Variants in ZNF678 observed in about 807,000 individuals in gnomAD.
ZNF678 encodes zinc finger protein 678, also known as hypothetical protein MGC42493.
In ZNF678, 5 loss-of-function variants were observed where a neutral mutation model predicts 3.0. The ratio of observed to expected loss-of-function variants is 1.69; its 90% CI spans 0.88 to 3.56. ZNF678 has a LOEUF of 3.56. ZNF678 is among the 30% of genes most tolerant of loss of function. The pLI is 0.00. For synonymous variants in ZNF678, 218 were observed against 199.6 expected, an observed-to-expected ratio of 1.09 and a Z score of -0.78; for missense variants, 593 against 605.0, an observed-to-expected ratio of 0.98 and a Z score of 0.21.
intron 5 of ZNF678, among the ~76,000 whole-genome samples, chr1:227,670,144 A>G (rs1040918848): frequency 2.6e-5 from 4 of 152,244 alleles, no homozygotes; most frequent in South Asian, 4.1e-4. Flanking sequence ...AAGATAAACA[A>G]ATAGGCACTG....
chr1:227,667,487 A>G (rs1659524498), intron 5 of ZNF678, among the ~76,000 whole-genome samples: 2 of 152,234 alleles, frequency 1.3e-5, no homozygotes, highest in Admixed American at 1.3e-4. Flanking sequence ...ATGAGCCACT[A>G]CAATTAAAAG....
chr1:227,597,678 T>C (rs1487414203), intron 1 of ZNF678, among the ~76,000 whole-genome samples: 2 of 152,166 alleles, frequency 1.3e-5, no homozygotes, highest in African/African-American at 2.4e-5. Flanking sequence ...TCTGGTTCAC[T>C]CAAAGCAGCA....
rs878977965 is a variant in ZNF678, at chr1:227,655,165, T to G, written c.915T>G (p.Phe305Leu). ...CEECGKAFTQFASLTRHKRIH... is the reference protein window; with the variant it reads ...CEECGKAFTQLASLTRHKRIH... ...AATGTGGCAAAGCCTTTACACAGTT[T>G]GCAAGCCTTACTCGTCATAAAAGAA... Residue 305 changes from phenylalanine (F) to leucine (L), a missense_variant, in exon 4 of 4, where the codon TTT becomes TTG. By Grantham distance (22) the Phe-to-Leu change is conservative. Coordinates refer to ENST00000343776, the MANE Select transcript of ZNF678 (RefSeq NM_001367909.1). 3.7e-6 allele frequency: 6 copies of G among 1,600,520 alleles called. No individual in the cohort carries two copies. The highest frequency in any genetic ancestry group is 5.1e-6 in the Non-Finnish European group (6 of 1,174,740).
At chr1:227,599,020 T>C in intron 1 of ZNF678, 3 of 1,498,662 alleles carry the variant, frequency 2.0e-6, no homozygotes, top group African/African-American at 1.4e-5. Context: ...CTAGTTGCTC[T>C]TTTACTTCTT....
chr1:227,599,981 C>G (rs1006666540), intron 1 of ZNF678, among the ~76,000 whole-genome samples: 1 of 152,180 alleles, frequency 6.6e-6, no homozygotes, highest in Non-Finnish European at 1.5e-5. Context: ...TGTCTACCCT[C>G]CAGTAGGCAC....
intron 1 of ZNF678, among the ~76,000 whole-genome samples, chr1:227,600,310 C>A (rs1657703372): frequency 6.6e-6 from 1 of 152,168 alleles, no homozygotes; most frequent in Admixed American, 6.5e-5. Flanking sequence ...ATTTATATTT[C>A]TTTGGGTATT....
intron 1 of ZNF678, among the ~76,000 whole-genome samples, chr1:227,584,988 C>CGA (rs898186341): frequency 6.4e-4 from 97 of 152,312 alleles, no homozygotes; most frequent in African/African-American, 2.2e-3. Context: ...GTACAGAAGT[C>CGA]TGACAACAGC....
intron 1 of ZNF678, among the ~76,000 whole-genome samples, chr1:227,565,608 T>G (rs1656658950): frequency 6.6e-6 from 1 of 152,110 alleles, no homozygotes; most frequent in African/African-American, 2.4e-5. Flanking sequence ...GTTATCTGTT[T>G]GTGAAGGCAG....
chr1:227,590,414 A>G (rs1245958311), intron 1 of ZNF678, among the ~76,000 whole-genome samples: 1 of 151,814 alleles, frequency 6.6e-6, no homozygotes, highest in East Asian at 1.9e-4. Context: ...AGAACAGTCA[A>G]GGTTTTACCA....
At position 227,633,267 on chromosome 1, in the gene ZNF678, C is replaced by G. The variant is rs189323319; in HGVS notation, c.-163-13277C>G. On this transcript the variant is annotated intron_variant, in intron 1 of 3. Coordinates refer to ENST00000343776, the MANE Select transcript of ZNF678 (RefSeq NM_001367909.1). The stretch of plus-strand genomic sequence containing the variant: ...GACTTAATAGAGTGAAAACAGAGCT[C>G]CCATACAACGGGAGAAGACCCAAAG... 2.0e-5 allele frequency among the ~76,000 whole-genome samples: 3 copies of G among 152,266 alleles called. No individual in the cohort carries two copies. In the East Asian group the frequency reaches 5.8e-4, roughly 29 times the overall value.
At chr1:227,627,804 C>G (rs1203313190) in intron 1 of ZNF678, among the ~76,000 whole-genome samples, 2 of 152,204 alleles carry the variant, frequency 1.3e-5, no homozygotes, top group African/African-American at 4.8e-5. Flanking sequence ...CCACTGCATA[C>G]CCCGCCTTTC....
Position 227,655,966 on chromosome 1 carries a change from A to G in ZNF678, c.*138A>G. 1.7e-6 allele frequency: 1 copy of G among 595,184 alleles called. No individual in the cohort carries two copies. The highest frequency in any genetic ancestry group is 5.0e-5 in the South Asian group (1 of 20,192). 36.9% of individuals were successfully genotyped at this position (595,184 alleles called of 1,614,324 possible). The stretch of plus-strand genomic sequence containing the variant: ...TATACTGAATGAAATTTATAAATAT[A>G]AAAGATTACAATATCTTTATTTCAA... On this transcript the variant is annotated 3_prime_UTR_variant, in exon 4 of 4. Coordinates refer to ENST00000343776, the MANE Select transcript of ZNF678 (RefSeq NM_001367909.1).
At chr1:227,610,550 G>C (rs116461667) in intron 1 of ZNF678, among the ~76,000 whole-genome samples, 2 of 152,124 alleles carry the variant, frequency 1.3e-5, no homozygotes, top group African/African-American at 4.8e-5. Flanking sequence ...AGGAGAACAA[G>C]CCTTTAGAAT....
At chr1:227,672,350 G>C (rs547409706) in intron 5 of ZNF678, among the ~76,000 whole-genome samples, 69 of 152,232 alleles carry the variant, frequency 4.5e-4, no homozygotes, top group African/African-American at 1.4e-3. Context: ...ATATGAGGTA[G>C]AATTTTCAGG....
intron 1 of ZNF678, among the ~76,000 whole-genome samples, chr1:227,572,797 G>A (rs1047724797): frequency 6.6e-6 from 1 of 152,214 alleles, no homozygotes; most frequent in African/African-American, 2.4e-5. Flanking sequence ...AGGCCTTCTG[G>A]AGTCTTCATG....
intron 1 of ZNF678, among the ~76,000 whole-genome samples, chr1:227,584,521 G>A (rs1234800165): frequency 1.3e-5 from 2 of 152,166 alleles, no homozygotes; most frequent in African/African-American, 4.8e-5. Context: ...CATGTGTGAG[G>A]AACACTATTT....
chr1:227,660,017 C>T lies in ZNF678; in HGVS notation c.*4189C>T, dbSNP rs1416431678. The T allele has an allele frequency of 2.0e-5, 3 of 152,160 alleles. No individual in the cohort carries two copies. The highest frequency in any genetic ancestry group is 7.2e-5 in the African/African-American group (3 of 41,458). The allele number at this position is 152,160 out of a possible 1,614,324, so 9.4% of individuals were successfully genotyped here. A position where few individuals can be genotyped will look rare whatever the true frequency, so the allele number is the denominator to read the frequency against. On this transcript the variant is annotated 3_prime_UTR_variant, in exon 4 of 4. Coordinates refer to ENST00000343776, the MANE Select transcript of ZNF678 (RefSeq NM_001367909.1). ...TTCTCTAAGCCCCCTTCTCCTAAAA[C>T]TTCAGCATCTCTTAACCTTCTTTCT...
chr1:227,606,114 G>C (rs557577433), intron 1 of ZNF678, among the ~76,000 whole-genome samples: 1 of 152,320 alleles, frequency 6.6e-6, no homozygotes, highest in African/African-American at 2.4e-5. Flanking sequence ...AAAGTATAGA[G>C]AAAGAACAGG....
intron 3 of ZNF678, among the ~76,000 whole-genome samples, chr1:227,651,612 C>T (rs965878943): frequency 5.3e-5 from 8 of 152,150 alleles, no homozygotes; most frequent in Non-Finnish European, 8.8e-5. Flanking sequence ...GCCATTTCCT[C>T]GTCTGTAGCC....
Sources: gnomAD v4.1 joint callset for allele counts (sites outside exome capture counted in the v4.1 genomes callset) on GRCh38, gnomAD v4.1.1 for gene constraint, MANE v1.5 for transcripts, NCBI Gene and HGNC (gene_info 2026-07-23, HGNC 2026-07-21) for gene names.